The following SLC38A10 variants were observed in gnomAD, a reference collection of about 807,000 sequenced individuals.
SLC38A10 encodes the protein solute carrier family 38 member 10.
In SLC38A10, 53 loss-of-function variants were observed where a neutral mutation model predicts 81.0. That is an observed-to-expected ratio of 0.65 (90% CI 0.53 to 0.82). The LOEUF is 0.82. Ranked by LOEUF, SLC38A10 falls within the 40% of genes least tolerant of loss-of-function variation. The pLI is 0.00. For missense variants in SLC38A10, 1,471 were observed against 1,545.0 expected (o/e 0.95, Z 0.80); for synonymous variants, 665 against 655.3 (o/e 1.01, Z -0.23).
In SLC38A10 at chr17:81,251,076, TTAAAA is replaced by T. The variant is rs1400002343; in HGVS notation, c.2065+412_2065+416del. The T allele has an allele frequency of 1.8e-5, 27 of 1,472,172 alleles. 1 individual carries two copies. In the Admixed American group the frequency reaches 3.9e-4, roughly 21 times the overall value. 91.2% of individuals were successfully genotyped at this position (1,472,172 alleles called of 1,614,324 possible). A position where few individuals can be genotyped will look rare whatever the true frequency, so the allele number is the denominator to read the frequency against. ...AACTGGGTCCCCTTGGGGCACAGCC[TTAAAA>T]TAAACCTCCACATCTGGGTGCAGGC... On this transcript the variant is annotated intron_variant, in intron 14 of 15. Coordinates refer to ENST00000374759, the MANE Select transcript of SLC38A10 (RefSeq NM_001037984.3).
chr17:81,258,126 T>C (rs2062989266), intron 11 of SLC38A10, among the ~76,000 whole-genome samples: 1 of 152,090 alleles, frequency 6.6e-6, no homozygotes, highest in South Asian at 2.1e-4. Context: ...TGCATGAGGA[T>C]GGGATTCACG....
In SLC38A10 at chr17:81,246,418, A is replaced by G; in HGVS notation, c.2498T>C (p.Leu833Pro). ...GGCGGCATCCTTCTGGCCATCTCTC[A>G]GCTTGGCCTGGGCTGCCCGAGGCTC... is the stretch of plus-strand genomic sequence containing the variant. ...DTEPRAAQAK[L>P]RDGQKDAAPR... The change falls in exon 16 of 16, where the codon CTG (leucine) becomes CCG (proline). Residue 833 changes from leucine (L) to proline (P), a missense_variant. Leu to Pro is a moderately conservative substitution (Grantham distance 98). Coordinates refer to ENST00000374759, the MANE Select transcript of SLC38A10 (RefSeq NM_001037984.3). The G allele has an allele frequency of 6.2e-7, 1 of 1,601,564 alleles. No individual in the cohort carries two copies. The highest frequency in any genetic ancestry group is 8.5e-7 in the Non-Finnish European group (1 of 1,175,118).
chr17:81,283,318 A>G lies in SLC38A10; in HGVS notation c.357+91T>C. The G allele has an allele frequency of 5.1e-6, 6 of 1,167,162 alleles. No individual in the cohort carries two copies. The highest frequency in any genetic ancestry group is 6.2e-6 in the Non-Finnish European group (5 of 803,104). The allele number at this position is 1,167,162 out of a possible 1,614,324, so 72.3% of individuals were successfully genotyped here. On this transcript the variant is annotated intron_variant, in intron 4 of 15. Coordinates refer to ENST00000374759, the MANE Select transcript of SLC38A10 (RefSeq NM_001037984.3). This position sits in a 1 kb window ranked among gnomAD's most constrained non-coding sequence, Gnocchi z 4.7. ...TCGACAGAAGCTTCTCCCGACCAGC[A>G]CCCAGGTCTCGGTCCTCGGGAGGAT...
rs371959828 is a variant in SLC38A10, at chr17:81,258,458, C to T, written c.1288+1780G>A. 2.5e-4 allele frequency among the ~76,000 whole-genome samples: 38 copies of T among 152,284 alleles called. No individual in the cohort carries two copies. The East Asian group carries it at 4.1e-3, about 16-fold the overall frequency. On this transcript the variant is annotated intron_variant, in intron 11 of 15. Transcript: ENST00000374759. ...CCAGGTGAGCCGGAGGCCCACGGCC[C>T]GCACAAGCCTCATGACGGGATACAG...
At chr17:81,262,296 G>C (rs1250449417) in intron 10 of SLC38A10, among the ~76,000 whole-genome samples, 2 of 152,176 alleles carry the variant, frequency 1.3e-5, no homozygotes, top group African/African-American at 4.8e-5. Context: ...GCCTCTGCCA[G>C]CCAGCACAGG....
At chr17:81,269,937 T>C (rs117340325) in intron 10 of SLC38A10, among the ~76,000 whole-genome samples, 7,899 of 152,100 alleles carry the variant, frequency 0.052, 282 homozygotes, top group Non-Finnish European at 0.084. Context: ...GCACCCCAGC[T>C]TGGGCAACAA....
At chr17:81,255,083 G>T (rs1171767970) in intron 11 of SLC38A10, among the ~76,000 whole-genome samples, 23 of 152,380 alleles carry the variant, frequency 1.5e-4, no homozygotes, top group African/African-American at 5.3e-4. Context: ...CGCGGGACGG[G>T]AAGTGAGCAC....
intron 10 of SLC38A10, among the ~76,000 whole-genome samples, chr17:81,267,060 G>A (rs960263032): frequency 6.3e-5 from 5 of 79,260 alleles, no homozygotes; most frequent in Admixed American, 2.4e-4. Flanking sequence ...CAACTAACAC[G>A]CAACTAACAT....
intron 11 of SLC38A10, 63 bp downstream of exon 11, chr17:81,260,175 G>A: frequency 1.3e-6 from 2 of 1,524,538 alleles, no homozygotes; most frequent in Non-Finnish European, 8.8e-7. Flanking sequence ...CCTCGGACCA[G>A]ACCCAGGAGA....
In SLC38A10 at chr17:81,277,786, G is replaced by A. The variant is rs1057046863; in HGVS notation, c.627-653C>T. On this transcript the variant is annotated intron_variant, in intron 6 of 15. Transcript: ENST00000374759. This position sits in a 1 kb window ranked among gnomAD's most constrained non-coding sequence, Gnocchi z 4.5. ...TCCGAGGGACCTGCACAGGGACCTGGGCCTCTGGAAAGGGGTGGGCGAGAC... is the reference window on the plus strand; with the variant it reads ...TCCGAGGGACCTGCACAGGGACCTGAGCCTCTGGAAAGGGGTGGGCGAGAC... Among the ~76,000 whole-genome samples the A allele has an allele frequency of 6.6e-6, 1 of 152,230 alleles. No individual in the cohort carries two copies. The highest frequency in any genetic ancestry group is 1.5e-5 in the Non-Finnish European group (1 of 68,050).
intron 10 of SLC38A10, chr17:81,264,755 C>T (rs1228015019): frequency 6.6e-6 from 1 of 152,256 alleles, no homozygotes; most frequent in African/African-American, 2.4e-5. Context: ...CCAGGCACCA[C>T]CCAGCAAGGC....
intron 14 of SLC38A10, chr17:81,251,108 C>T (rs895560855): frequency 3.2e-5 from 48 of 1,504,802 alleles, no homozygotes; most frequent in East Asian, 1.2e-4. Flanking sequence ...GGTGCAGGCA[C>T]GCCCACACCT....
chr17:81,270,814 G>C lies in SLC38A10; in HGVS notation c.1131+104C>G. The stretch of plus-strand genomic sequence containing the variant: ...TTTGTGGGTTTTAAGTTTCTTGATA[G>C]AACCCATCTGAAAACGCTGAACCAG... On this transcript the variant is annotated intron_variant, in intron 10 of 15. Transcript: ENST00000374759. This position sits in a 1 kb window ranked among gnomAD's most constrained non-coding sequence, Gnocchi z 4.0. 1.1e-6 allele frequency: 1 copy of C among 917,552 alleles called. No homozygotes were observed. The highest frequency in any genetic ancestry group is 1.7e-6 in the Non-Finnish European group (1 of 589,424). 56.8% of individuals were successfully genotyped at this position (917,552 alleles called of 1,614,324 possible). A position where few individuals can be genotyped will look rare whatever the true frequency, so the allele number is the denominator to read the frequency against.
chr17:81,270,617 A>G lies in SLC38A10; in HGVS notation c.1131+301T>C, dbSNP rs2063106508. Reference sequence around the variant, plus strand: ...GGGACTCAGAGGTGGCAGCAGGTCCATGGGCAATCAGGCATCGCAGAAACA... The same window carrying G: ...GGGACTCAGAGGTGGCAGCAGGTCCGTGGGCAATCAGGCATCGCAGAAACA... On this transcript the variant is annotated intron_variant, in intron 10 of 15. Transcript: ENST00000374759. The surrounding 1 kb of genome is among the most constrained non-coding windows in gnomAD (Gnocchi z 4.0). Among the ~76,000 whole-genome samples, 1 of 152,156 alleles carries G rather than the reference A, an allele frequency of 6.6e-6. No individual in the cohort carries two copies. Among genetic ancestry groups the G allele is most frequent in the Non-Finnish European group, 1.5e-5 (1 of 68,010 alleles).
rs2062835078 is a variant in SLC38A10 at position 81,244,952 on chromosome 17, GC to G, written c.*603del. The G allele has an allele frequency of 6.1e-6, 1 of 164,288 alleles. No individual in the cohort carries two copies. The highest frequency in any genetic ancestry group is 1.3e-5 in the Non-Finnish European group (1 of 75,810). 10.2% of individuals were successfully genotyped at this position (164,288 alleles called of 1,614,324 possible). On this transcript the variant is annotated 3_prime_UTR_variant, in exon 16 of 16. Coordinates refer to ENST00000374759, the MANE Select transcript of SLC38A10 (RefSeq NM_001037984.3). ...TGCCCCTGGACACCCGGCTTGTCTG[GC>G]CCCTGCTCCCTGTGCTTCCTGGACA... is the stretch of plus-strand genomic sequence containing the variant.
At chr17:81,269,734 C>T (rs1001923229) in intron 10 of SLC38A10, among the ~76,000 whole-genome samples, 1 of 152,084 alleles carries the variant, frequency 6.6e-6, no homozygotes, top group Non-Finnish European at 1.5e-5. Context: ...CCTGTAATCA[C>T]AGCACTTTGG....
In SLC38A10 at chr17:81,265,786, CAG is replaced by C. The variant is rs1417025290; in HGVS notation, c.1131+5130_1131+5131del. On this transcript the variant is annotated intron_variant, in intron 10 of 15. Coordinates refer to ENST00000374759, the MANE Select transcript of SLC38A10 (RefSeq NM_001037984.3). The surrounding 1 kb of genome is among the most constrained non-coding windows in gnomAD (Gnocchi z 4.2). ...GCTGACATCTCCGTACCTAAGGAAA[CAG>C]GGCATGCTGAGCGGATGGCACACGG... Among the ~76,000 whole-genome samples the C allele has an allele frequency of 6.6e-6, 1 of 152,246 alleles. No individual in the cohort carries two copies. The highest frequency in any genetic ancestry group is 1.9e-4 in the East Asian group (1 of 5,196).
In SLC38A10 at chr17:81,283,529, A is replaced by G; in HGVS notation, c.264-27T>C. The G allele has an allele frequency of 6.3e-7, 1 of 1,587,696 alleles. No individual in the cohort carries two copies. Among genetic ancestry groups the G allele is most frequent in the Non-Finnish European group, 8.6e-7 (1 of 1,164,598 alleles). ...TGCACAGGGACGGGGGGTACGGGAA[A>G]TGCCATCAGGGCAAGCTGGCACACA... On this transcript the variant is annotated intron_variant, in intron 3 of 15. Coordinates refer to ENST00000374759, the MANE Select transcript of SLC38A10 (RefSeq NM_001037984.3). This position sits in a 1 kb window ranked among gnomAD's most constrained non-coding sequence, Gnocchi z 4.7.
intron 8 of SLC38A10, among the ~76,000 whole-genome samples, chr17:81,275,456 G>A (rs554500777): frequency 1.7e-4 from 25 of 151,338 alleles, no homozygotes; most frequent in Middle Eastern, 3.5e-3. Context: ...GCAGTGGGCC[G>A]GGCGCGGTGG....
Sources: allele counts gnomAD v4.1 joint callset (sites outside exome capture counted in the v4.1 genomes callset), GRCh38; gene constraint gnomAD v4.1.1; non-coding constraint Gnocchi (gnomAD v3.1); transcripts MANE v1.5; gene names NCBI Gene and HGNC (gene_info 2026-07-23, HGNC 2026-07-21).